GAB2: variants seen among roughly 807,000 people sequenced by gnomAD.
The protein encoded by GAB2 is GRB2 associated binding protein 2, also known as GRB2-associated-binding protein 2.
Under a neutral mutation model 65.5 loss-of-function variants are expected in GAB2, and 26 were observed. That is an observed-to-expected ratio of 0.40 (90% CI 0.29 to 0.55). The LOEUF is 0.55. Among genes scored for constraint, GAB2 ranks in the 20% least tolerant of loss-of-function variants. GAB2 has a pLI of 0.53. For synonymous variants in GAB2, 321 were observed against 329.6 expected, an observed-to-expected ratio of 0.97 and a Z score of 0.28; for missense variants, 884 against 875.8, an observed-to-expected ratio of 1.01 and a Z score of -0.12.
intron 1 of GAB2, among the ~76,000 whole-genome samples, chr11:78,336,150 C>T (rs1002927411): frequency 2.0e-5 from 3 of 151,550 alleles, no homozygotes; most frequent in African/African-American, 7.3e-5. Flanking sequence ...CCTATCTCTA[C>T]TAAAAATACA....
At chr11:78,320,728 T>A (rs1348107481) in intron 1 of GAB2, among the ~76,000 whole-genome samples, 3 of 3,688 alleles carry the variant, frequency 8.1e-4, no homozygotes, top group South Asian at 6.4e-3. Context: ...TTTTTGCCTT[T>A]TTTTTTTTTT....
chr11:78,389,687 A>G (rs1325372361), intron 1 of GAB2, among the ~76,000 whole-genome samples: 3 of 152,208 alleles, frequency 2.0e-5, no homozygotes, highest in East Asian at 1.9e-4. Context: ...AAAACACTGA[A>G]TATGTACACT....
At chr11:78,293,798 C>T (rs1325681761) in intron 1 of GAB2, among the ~76,000 whole-genome samples, 3 of 151,974 alleles carry the variant, frequency 2.0e-5, no homozygotes, top group South Asian at 2.1e-4. Flanking sequence ...CACTATTTGT[C>T]GCCTAAGAAC....
Position 78,280,705 on chromosome 11 carries a change from C to T in GAB2, c.272G>A (p.Ser91Asn), listed in dbSNP as rs751222204. ...QDSFVFDIKTSERTFYLVAET... is the reference protein window; with the variant it reads ...QDSFVFDIKTNERTFYLVAET... ...AGCCACCAGGTAAAAGGTGCGTTCA[C>T]TGGTCTTGATGTCAAACACAAAACT... is the stretch of plus-strand genomic sequence containing the variant. Residue 91 changes from serine (S) to asparagine (N), a missense_variant, in exon 2 of 10, where the codon AGT (serine) becomes AAT (asparagine). Ser to Asn is a conservative substitution (Grantham distance 46). Transcript: ENST00000361507. 3.7e-6 allele frequency: 6 copies of T among 1,614,146 alleles called. No homozygotes were observed. The South Asian group carries it at 5.5e-5, about 15-fold the overall frequency.
intron 3 of GAB2, among the ~76,000 whole-genome samples, chr11:78,246,496 A>AT (rs1240147030): frequency 4.0e-5 from 6 of 151,532 alleles, no homozygotes; most frequent in Non-Finnish European, 8.8e-5. Flanking sequence ...GAGAAGTGCT[A>AT]TTTTTTTGTT....
At chr11:78,370,065 G>A (rs1856546930) in intron 1 of GAB2, among the ~76,000 whole-genome samples, 1 of 151,688 alleles carries the variant, frequency 6.6e-6, no homozygotes, top group Non-Finnish European at 1.5e-5. Context: ...AGACCATCCC[G>A]GCTAAAACGG....
chr11:78,229,025 C>T (rs1173344442), intron 3 of GAB2, among the ~76,000 whole-genome samples: 1 of 152,116 alleles, frequency 6.6e-6, no homozygotes, highest in Non-Finnish European at 1.5e-5. Context: ...ATGCCACCTG[C>T]CCAGTGAGGG....
intron 1 of GAB2, among the ~76,000 whole-genome samples, chr11:78,406,344 A>G (rs1296351298): frequency 6.6e-6 from 1 of 152,132 alleles, no homozygotes; most frequent in Non-Finnish European, 1.5e-5. Flanking sequence ...AATTAGATCC[A>G]GAGTATCACA....
intron 1 of GAB2, among the ~76,000 whole-genome samples, chr11:78,417,001 C>G (rs881361): frequency 0.17 from 25,963 of 150,948 alleles, 2,948 homozygotes; most frequent in East Asian, 0.43. Flanking sequence ...GGGGACCAAA[C>G]TGCAGTGTCA....
intron 1 of GAB2, among the ~76,000 whole-genome samples, chr11:78,359,025 G>C (rs191984674): frequency 6.6e-6 from 1 of 152,270 alleles, no homozygotes; most frequent in East Asian, 1.9e-4. Context: ...TCAACTGGAA[G>C]AGCAATCCAA....
chr11:78,284,132 AAAAATC>A (rs1866409005), intron 1 of GAB2, among the ~76,000 whole-genome samples: 2 of 152,168 alleles, frequency 1.3e-5, no homozygotes, highest in Non-Finnish European at 2.9e-5. Context: ...TTGTCAGACC[AAAAATC>A]TATGTATCAT....
intron 1 of GAB2, among the ~76,000 whole-genome samples, chr11:78,413,045 G>C (rs1857149325): frequency 6.6e-6 from 1 of 152,220 alleles, no homozygotes; most frequent in South Asian, 2.1e-4. Context: ...GTGCTTAGTG[G>C]CACTGTTTAC....
At chr11:78,288,382 G>GAAAAAA (rs369041941) in intron 1 of GAB2, among the ~76,000 whole-genome samples, 4 of 119,406 alleles carry the variant, frequency 3.3e-5, no homozygotes, top group Admixed American at 9.6e-5. Flanking sequence ...CCATCTCAAA[G>GAAAAAA]AAAAAAAAAA....
intron 1 of GAB2, among the ~76,000 whole-genome samples, chr11:78,368,120 G>A (rs1012971121): frequency 6.6e-6 from 1 of 152,124 alleles, no homozygotes; most frequent in Non-Finnish European, 1.5e-5. Context: ...CCGGCTGTCA[G>A]TGCTTAATTT....
chr11:78,290,414 A>C (rs1230583453), intron 1 of GAB2, among the ~76,000 whole-genome samples: 3 of 152,216 alleles, frequency 2.0e-5, no homozygotes, highest in African/African-American at 7.2e-5. Flanking sequence ...GTGTGGGTAC[A>C]TATGACCTGG....
chr11:78,272,397 T>A (rs1866039162), intron 2 of GAB2, among the ~76,000 whole-genome samples: 1 of 152,102 alleles, frequency 6.6e-6, no homozygotes, highest in African/African-American at 2.4e-5. Context: ...CAGATGGAGA[T>A]GAGGAACTTG....
At chr11:78,364,734 A>T (rs1672236455) in intron 1 of GAB2, among the ~76,000 whole-genome samples, 2 of 152,200 alleles carry the variant, frequency 1.3e-5, no homozygotes, top group African/African-American at 4.8e-5. Context: ...AAGTTCTTCA[A>T]AAAAGCATAA....
chr11:78,258,941 G>T (rs1174072353), intron 2 of GAB2, among the ~76,000 whole-genome samples: 1 of 151,964 alleles, frequency 6.6e-6, no homozygotes, highest in Admixed American at 6.6e-5. Context: ...TGTGTCATGG[G>T]GGTTTGATGT....
chr11:78,368,172 CCATGAGTTGCCACATG>C (rs1487714650), intron 1 of GAB2, among the ~76,000 whole-genome samples: 1 of 152,180 alleles, frequency 6.6e-6, no homozygotes, highest in East Asian at 1.9e-4. Context: ...CTGGCCACAT[CCATGAGTTGCCACATG>C]CTGAGGTATT....
Sources: gnomAD v4.1 joint callset for allele counts (sites outside exome capture counted in the v4.1 genomes callset) on GRCh38, gnomAD v4.1.1 for gene constraint, MANE v1.5 for transcripts, NCBI Gene and HGNC (gene_info 2026-07-23, HGNC 2026-07-21) for gene names.